The following FGF13 variants were observed in gnomAD, a reference collection of about 807,000 sequenced individuals.
FGF13 encodes the protein fibroblast growth factor 13, also known as fibroblast growth factor homologous factor 2.
Under a neutral mutation model 19.5 loss-of-function variants are expected in FGF13, and 2 were observed. The observed-to-expected ratio is 0.10, with a 90% confidence interval of 0.04 to 0.32. The LOEUF is 0.32. Among genes scored for constraint, FGF13 ranks in the 10% least tolerant of loss-of-function variants. FGF13 has a pLI of 1.00. For missense variants in FGF13, 113 were observed against 192.7 expected, an observed-to-expected ratio of 0.59 and a Z score of 2.45; for synonymous variants, 72 against 76.9, an observed-to-expected ratio of 0.94 and a Z score of 0.33.
chrX:139,116,665 G>GAAGAA (rs1277934824), intron 1 of FGF13, among the ~76,000 whole-genome samples: 1 of 111,243 alleles, frequency 9.0e-6, no homozygotes, highest in African/African-American at 3.3e-5. Flanking sequence ...TCAAGTTGGT[G>GAAGAA]AAGAAAAGAA....
chrX:139,196,397 A>G (rs1239047549), intron 1 of FGF13, among the ~76,000 whole-genome samples: 2 of 111,801 alleles, frequency 1.8e-5, no homozygotes, highest in South Asian at 3.8e-4. Flanking sequence ...TGAGATGCAC[A>G]TCGGAAAGTT....
intron 2 of FGF13, among the ~76,000 whole-genome samples, chrX:138,858,742 G>C (rs1344502883): frequency 9.5e-6 from 1 of 104,892 alleles, no homozygotes; most frequent in Non-Finnish European, 1.9e-5. Flanking sequence ...GGTGAATAAT[G>C]CCGTGGTGTT....
intron 1 of FGF13, among the ~76,000 whole-genome samples, chrX:138,735,579 T>A (rs1005191194): frequency 8.9e-5 from 10 of 112,186 alleles, no homozygotes; most frequent in African/African-American, 3.2e-4. Context: ...TTTTTAAAAA[T>A]TCTATTTTAG....
chrX:139,111,795 G>A (rs776357940), intron 1 of FGF13, among the ~76,000 whole-genome samples: 1 of 112,042 alleles, frequency 8.9e-6, no homozygotes, highest in South Asian at 3.7e-4. Flanking sequence ...CGGAAAATGA[G>A]CACAACGAAT....
At chrX:139,154,073 AAC>A (rs2148249511) in intron 1 of FGF13, among the ~76,000 whole-genome samples, 1 of 111,918 alleles carries the variant, frequency 8.9e-6, no homozygotes, top group Admixed American at 9.5e-5. Context: ...CTAGGAAATA[AAC>A]ACAGATACCA....
At chrX:138,934,499 C>A (rs779468632) in intron 1 of FGF13, among the ~76,000 whole-genome samples, 1 of 112,568 alleles carries the variant, frequency 8.9e-6, no homozygotes, top group Non-Finnish European at 1.9e-5. Context: ...AGCACAGTAA[C>A]AATTTGGCAT....
At chrX:139,164,688 C>CAAATAAATAAAT (rs778262336) in intron 1 of FGF13, among the ~76,000 whole-genome samples, 20,967 of 92,294 alleles carry the variant, frequency 0.23, 2,279 homozygotes, top group East Asian at 0.44. Context: ...GACCTTGTCT[C>CAAATAAATAAAT]AAATAAATAA....
chrX:138,974,535 T>C (rs1229188952), intron 1 of FGF13, among the ~76,000 whole-genome samples: 2 of 112,320 alleles, frequency 1.8e-5, no homozygotes, highest in African/African-American at 6.5e-5. Context: ...GTGACCTGAT[T>C]GTTACCTTTC....
intron 1 of FGF13, among the ~76,000 whole-genome samples, chrX:138,905,344 A>G (rs902799068): frequency 2.7e-5 from 3 of 112,159 alleles, no homozygotes; most frequent in South Asian, 3.7e-4. Context: ...AGAGACTTTA[A>G]TTTTTATAAG....
At chrX:138,785,747 A>T (rs910105088) in intron 3 of FGF13, among the ~76,000 whole-genome samples, 4 of 111,838 alleles carry the variant, frequency 3.6e-5, no homozygotes, top group Admixed American at 9.5e-5. Flanking sequence ...AGTCCTACAG[A>T]TTTAAACACT....
intron 3 of FGF13, among the ~76,000 whole-genome samples, chrX:138,697,150 A>G (rs2089904355): frequency 8.9e-6 from 1 of 111,815 alleles, no homozygotes; most frequent in African/African-American, 3.3e-5. Flanking sequence ...GTTGTCAAAG[A>G]ATAAAACAAG....
At chrX:138,640,465 C>T (rs1489530651) in intron 3 of FGF13, among the ~76,000 whole-genome samples, 2 of 112,109 alleles carry the variant, frequency 1.8e-5, no homozygotes, top group Non-Finnish European at 3.8e-5. Context: ...GCAATAGTGG[C>T]CTGGCTTGCC....
chrX:138,887,338 C>T (rs1414798397), intron 1 of FGF13, among the ~76,000 whole-genome samples: 1 of 111,871 alleles, frequency 8.9e-6, no homozygotes, highest in Non-Finnish European at 1.9e-5. Context: ...TTCAATTTTA[C>T]TTTAATAGAA....
At chrX:139,085,644 G>A (rs1183622701) in intron 1 of FGF13, among the ~76,000 whole-genome samples, 1 of 111,542 alleles carries the variant, frequency 9.0e-6, no homozygotes, top group African/African-American at 3.3e-5. Context: ...TTGTTCAAAG[G>A]AAATAATCAT....
chrX:138,739,869 T>C (rs778034420), upstream of FGF13, among the ~76,000 whole-genome samples: 5 of 112,443 alleles, frequency 4.4e-5, no homozygotes, highest in South Asian at 1.8e-3. Context: ...ACCAGAACTT[T>C]TAGTTCTGTG....
chrX:138,903,179 T>C (rs1380052015), intron 1 of FGF13, among the ~76,000 whole-genome samples: 1 of 111,747 alleles, frequency 8.9e-6, no homozygotes, highest in Non-Finnish European at 1.9e-5. Context: ...TAAATGTTAT[T>C]GTAGAAAGGA....
intron 1 of FGF13, among the ~76,000 whole-genome samples, chrX:139,017,810 C>T (rs1237557575): frequency 4.5e-5 from 5 of 111,451 alleles, no homozygotes; most frequent in Admixed American, 9.5e-5. Flanking sequence ...GTATCATCAA[C>T]TCTTATATAT....
intron 1 of FGF13, among the ~76,000 whole-genome samples, chrX:138,904,316 AG>A (rs2091546745): frequency 9.0e-6 from 1 of 110,886 alleles, no homozygotes; most frequent in African/African-American, 3.3e-5. Context: ...GGGGTGGGCG[AG>A]GGGGGCAGTA....
At position 138,922,380 on chromosome X, in the gene FGF13, A is replaced by T. The variant is rs989587914; in HGVS notation, c.-112-57730T>A. On this transcript the variant is annotated intron_variant, in intron 1 of 2. Transcript: ENST00000421460. ...CACACTCATGGGGAAAGGTATGGTG[A>T]GTTATGTCAAGGTGGCCTGCATAGG... Among the ~76,000 whole-genome samples the T allele has an allele frequency of 5.4e-5, 6 of 111,740 alleles. No homozygotes were observed. The Admixed American group carries it at 5.7e-4, about 11-fold the overall frequency.
Sources: gnomAD v4.1 joint callset for allele counts (sites outside exome capture counted in the v4.1 genomes callset) on GRCh38, gnomAD v4.1.1 for gene constraint, MANE v1.5 for transcripts, NCBI Gene and HGNC (gene_info 2026-07-23, HGNC 2026-07-21) for gene names.